Variants in ZFAT observed in about 807,000 individuals in gnomAD.
The protein encoded by ZFAT is zinc finger and AT-hook domain containing.
ZFAT carries 64 observed loss-of-function variants against 117.7 expected under a neutral mutation model. That is an observed-to-expected ratio of 0.54 (90% CI 0.44 to 0.67). ZFAT has a LOEUF of 0.67. Among genes scored for constraint, ZFAT ranks in the 30% least tolerant of loss-of-function variants. The probability of loss-of-function intolerance (pLI) is 0.00; values close to 1 mark genes in which losing one functional copy is unlikely to be tolerated. For synonymous variants in ZFAT, 679 were observed against 615.0 expected, an observed-to-expected ratio of 1.10 and a Z score of -1.54; for missense variants, 1,433 against 1,584.5, an observed-to-expected ratio of 0.90 and a Z score of 1.62.
At chr8:134,619,173 A>G (rs1828942843) in intron 3 of ZFAT, among the ~76,000 whole-genome samples, 1 of 152,190 alleles carries the variant, frequency 6.6e-6, no homozygotes, top group African/African-American at 2.4e-5. Context: ...AGCCTATCCT[A>G]TCTTAAATGT....
At chr8:134,575,265 A>C (rs532342665) in intron 10 of ZFAT, among the ~76,000 whole-genome samples, 1 of 152,358 alleles carries the variant, frequency 6.6e-6, no homozygotes, top group Non-Finnish European at 1.5e-5. Context: ...GATTAAGCTA[A>C]AGATCTTGAG....
At chr8:134,547,553 C>G (rs958700784) in intron 11 of ZFAT, among the ~76,000 whole-genome samples, 2 of 152,190 alleles carry the variant, frequency 1.3e-5, no homozygotes, top group African/African-American at 4.8e-5. Context: ...AGAGTTAACA[C>G]CACTGCAGTA....
chr8:134,726,278 G>T, the ZFAT span, among the ~76,000 whole-genome samples: 1 of 152,168 alleles, frequency 6.6e-6, no homozygotes, highest in Non-Finnish European at 1.5e-5. Flanking sequence ...CCTTTGAGTT[G>T]GGGTTTTATG....
chr8:134,605,145 G>C (rs141613058), intron 5 of ZFAT, among the ~76,000 whole-genome samples: 62 of 152,326 alleles, frequency 4.1e-4, no homozygotes, highest in African/African-American at 1.4e-3. Context: ...CCAAGTCATT[G>C]ACTGTGACAG....
In ZFAT at chr8:134,694,973, G is replaced by GA. The variant is rs201036035; in HGVS notation, c.19+17871dup. Among the ~76,000 whole-genome samples, 870 of 151,884 alleles carry GA rather than the reference G, an allele frequency of 5.7e-3. 5 individuals are homozygous for GA. The highest frequency in any genetic ancestry group is 8.5e-3 in the Non-Finnish European group (578 of 67,924). On this transcript the variant is annotated intron_variant, in intron 1 of 15. Coordinates refer to ENST00000377838, the MANE Select transcript of ZFAT (RefSeq NM_020863.4). ...GTTCTCAAAAGACATCTCCACATTG[G>GA]AAAAAAAACACGAAAATGAAGTCAC... is the stretch of plus-strand genomic sequence containing the variant.
the ZFAT span, among the ~76,000 whole-genome samples, chr8:134,741,380 T>C: frequency 6.6e-6 from 1 of 152,210 alleles, no homozygotes; most frequent in African/African-American, 2.4e-5. Context: ...TTCTCGGAGT[T>C]GGGATTGTAC....
rs550693418 is a variant in ZFAT at position 134,560,370 on chromosome 8, G to T, written c.2976+4963C>A. Among the ~76,000 whole-genome samples, 3 of 152,146 alleles carry T rather than the reference G, an allele frequency of 2.0e-5. No individual in the cohort carries two copies. In the South Asian group the frequency reaches 6.2e-4, roughly 32 times the overall value. On this transcript the variant is annotated intron_variant, in intron 11 of 15. Coordinates refer to ENST00000377838, the MANE Select transcript of ZFAT (RefSeq NM_020863.4). ...ACAACTTTCAAACTTAGTATAGAATGATATATATATAAGGTTAGCACAAAG... is the reference window on the plus strand; with the variant it reads ...ACAACTTTCAAACTTAGTATAGAATTATATATATATAAGGTTAGCACAAAG...
At chr8:134,615,709 C>A (rs1828676246) in intron 3 of ZFAT, among the ~76,000 whole-genome samples, 1 of 152,226 alleles carries the variant, frequency 6.6e-6, no homozygotes, top group African/African-American at 2.4e-5. Flanking sequence ...CACCTCCAAG[C>A]CCCCACATCC....
At chr8:134,787,554 A>AGACAAACTGTT in the ZFAT span, among the ~76,000 whole-genome samples, 1 of 152,218 alleles carries the variant, frequency 6.6e-6, no homozygotes, top group Non-Finnish European at 1.5e-5. Flanking sequence ...GTCTATCCTT[A>AGACAAACTGTT]TGCCAGCCAA....
chr8:134,734,795 G>A, the ZFAT span, among the ~76,000 whole-genome samples: 31 of 152,314 alleles, frequency 2.0e-4, no homozygotes, highest in Admixed American at 5.2e-4. Context: ...CTACTGCTCC[G>A]ACAGAGACTT....
chr8:134,630,577 A>G (rs1031993074), intron 3 of ZFAT, among the ~76,000 whole-genome samples: 4 of 152,146 alleles, frequency 2.6e-5, no homozygotes, highest in African/African-American at 9.7e-5. Flanking sequence ...AATTTTCACA[A>G]CTCTCCTTGC....
At chr8:134,725,763 C>T in the ZFAT span, among the ~76,000 whole-genome samples, 1 of 151,594 alleles carries the variant, frequency 6.6e-6, no homozygotes, top group African/African-American at 2.4e-5. Context: ...AACCAGAGCC[C>T]TTTTTGGTAA....
At chr8:134,721,229 G>A in the ZFAT span, among the ~76,000 whole-genome samples, 1 of 152,274 alleles carries the variant, frequency 6.6e-6, no homozygotes, top group East Asian at 1.9e-4. Flanking sequence ...TACCCAGGAC[G>A]GGCCGCATGT....
the ZFAT span, among the ~76,000 whole-genome samples, chr8:134,773,818 A>T: frequency 7.2e-5 from 11 of 152,130 alleles, no homozygotes; most frequent in African/African-American, 2.4e-4. Flanking sequence ...TCATGATAAA[A>T]CTTGAACAGA....
intron 7 of ZFAT, among the ~76,000 whole-genome samples, 185 bp from the exon 8 acceptor site, chr8:134,590,540 A>G (rs1288280844): frequency 6.8e-6 from 1 of 146,156 alleles, no homozygotes; most frequent in Non-Finnish European, 1.5e-5. Flanking sequence ...CACTAGCACT[A>G]TCAACAGTCA....
intron 15 of ZFAT, among the ~76,000 whole-genome samples, chr8:134,487,455 T>C (rs1481782663): frequency 6.6e-6 from 1 of 152,116 alleles, no homozygotes; most frequent in Admixed American, 6.5e-5. Context: ...AGAGAGTCGA[T>C]GTGAGCCCTC....
the ZFAT span, among the ~76,000 whole-genome samples, chr8:134,725,194 T>A: frequency 1.3e-5 from 2 of 152,214 alleles, no homozygotes; most frequent in Non-Finnish European, 2.9e-5. Context: ...TCGTTATGGC[T>A]CGTTTAACTA....
In ZFAT at chr8:134,614,910, C is replaced by T. The variant is rs1182768303; in HGVS notation, c.449-4255G>A. On this transcript the variant is annotated intron_variant, in intron 3 of 15. Transcript: ENST00000377838. ...CTCTAAATTCTAAGGCCCTCACATA[C>T]AAATAGGTGGAACTATTACATAAGG... Among the ~76,000 whole-genome samples the T allele has an allele frequency of 2.0e-5, 3 of 152,002 alleles. No individual in the cohort carries two copies. In the East Asian group the frequency reaches 5.8e-4, roughly 29 times the overall value.
intron 11 of ZFAT, among the ~76,000 whole-genome samples, chr8:134,543,700 A>G (rs1365862178): frequency 1.3e-5 from 2 of 152,210 alleles, no homozygotes; most frequent in Non-Finnish European, 2.9e-5. Flanking sequence ...AGAAGGGGCT[A>G]TGGTCATCTA....
Sources: allele counts gnomAD v4.1 joint callset (sites outside exome capture counted in the v4.1 genomes callset), GRCh38; gene constraint gnomAD v4.1.1; transcripts MANE v1.5; gene names NCBI Gene and HGNC (gene_info 2026-07-23, HGNC 2026-07-21).